Variants in CSGALNACT1 observed in about 807,000 individuals in gnomAD.
CSGALNACT1 encodes the protein beta4GalNAcT-1.
Under a neutral mutation model 51.0 loss-of-function variants are expected in CSGALNACT1, and 52 were observed. The observed-to-expected ratio is 1.02, with a 90% CI of 0.82 to 1.29. The LOEUF (loss-of-function observed/expected upper bound fraction) is 1.29, where lower values mean the gene tolerates loss of function less well. Among genes scored for constraint, CSGALNACT1 ranks in the 50% most tolerant of loss-of-function variants. The pLI, the probability that CSGALNACT1 is intolerant of heterozygous loss-of-function variation, is 0.00. For missense variants in CSGALNACT1, 935 were observed against 679.2 expected (o/e 1.38, Z -4.19); for synonymous variants, 341 against 254.4 (o/e 1.34, Z -3.24).
At chr8:19,701,392 G>C (rs2061870763) in intron 1 of CSGALNACT1, among the ~76,000 whole-genome samples, 1 of 151,920 alleles carries the variant, frequency 6.6e-6, no homozygotes, top group Non-Finnish European at 1.5e-5. Context: ...GACCTTGAGT[G>C]ATCTGCCCAC....
intron 1 of CSGALNACT1, among the ~76,000 whole-genome samples, chr8:19,676,937 T>C (rs945812487): frequency 6.6e-6 from 1 of 152,126 alleles, no homozygotes; most frequent in Non-Finnish European, 1.5e-5. Flanking sequence ...CCAATGGATT[T>C]GACAATGAAA....
At chr8:19,465,326 G>A (rs1436998309) in intron 4 of CSGALNACT1, among the ~76,000 whole-genome samples, 1 of 152,134 alleles carries the variant, frequency 6.6e-6, no homozygotes, top group Admixed American at 6.5e-5. Flanking sequence ...TAGAATAGAG[G>A]TTGCCAGGGG....
chr8:19,630,157 T>C (rs984048348), intron 1 of CSGALNACT1, among the ~76,000 whole-genome samples: 9 of 150,372 alleles, frequency 6.0e-5, no homozygotes, highest in Admixed American at 5.3e-4. Context: ...CACAGTTAGG[T>C]TGCCAGAGAA....
intron 1 of CSGALNACT1, among the ~76,000 whole-genome samples, chr8:19,670,410 A>C (rs984351358): frequency 1.3e-5 from 2 of 152,172 alleles, no homozygotes; most frequent in African/African-American, 4.8e-5. Context: ...TATATCCTGA[A>C]CATTTCACTT....
At chr8:19,663,272 T>C (rs1226534539) in intron 1 of CSGALNACT1, among the ~76,000 whole-genome samples, 1 of 152,166 alleles carries the variant, frequency 6.6e-6, no homozygotes, top group Non-Finnish European at 1.5e-5. Context: ...TTGTACTTAA[T>C]TGTACCTGAG....
chr8:19,413,815 G>C (rs2056359892), intron 8 of CSGALNACT1, among the ~76,000 whole-genome samples: 1 of 152,162 alleles, frequency 6.6e-6, no homozygotes, highest in Admixed American at 6.5e-5. Flanking sequence ...TAAGGAGGTG[G>C]CCTTGAGGAG....
chr8:19,627,564 T>G (rs990208319), intron 1 of CSGALNACT1, among the ~76,000 whole-genome samples: 1 of 152,132 alleles, frequency 6.6e-6, no homozygotes, highest in African/African-American at 2.4e-5. Context: ...GATTCACACC[T>G]GTAATCCCAG....
intron 3 of CSGALNACT1, among the ~76,000 whole-genome samples, chr8:19,528,842 G>T (rs1285332258): frequency 6.6e-6 from 1 of 152,134 alleles, no homozygotes; most frequent in Non-Finnish European, 1.5e-5. Context: ...AGAAAATAAA[G>T]ATATCAAACC....
chr8:19,752,811 C>T (rs1030050581), intron 1 of CSGALNACT1, among the ~76,000 whole-genome samples: 4 of 152,066 alleles, frequency 2.6e-5, no homozygotes, highest in African/African-American at 9.7e-5. Flanking sequence ...TTATGCATTG[C>T]CTAAAAACAG....
intron 3 of CSGALNACT1, among the ~76,000 whole-genome samples, chr8:19,514,475 C>CTA (rs33928915): frequency 0.063 from 4,935 of 78,234 alleles, 344 homozygotes; most frequent in East Asian, 0.16. Flanking sequence ...TGAACAGAGA[C>CTA]TATATATATA....
At chr8:19,484,929 A>C (rs565057654) in intron 4 of CSGALNACT1, among the ~76,000 whole-genome samples, 2 of 152,274 alleles carry the variant, frequency 1.3e-5, no homozygotes, top group African/African-American at 4.8e-5. Flanking sequence ...CACTGAGGAC[A>C]CAGTGAGAGG....
chr8:19,488,376 T>C (rs1334368148), intron 4 of CSGALNACT1, among the ~76,000 whole-genome samples: 15 of 5,850 alleles, frequency 2.6e-3, no homozygotes, highest in African/African-American at 6.5e-3. Flanking sequence ...TATACATATA[T>C]ATATATATAT....
upstream of CSGALNACT1, among the ~76,000 whole-genome samples, chr8:19,685,967 C>CA (rs2060952801): frequency 6.6e-6 from 1 of 152,204 alleles, no homozygotes; most frequent in Non-Finnish European, 1.5e-5. Context: ...TACCCATACT[C>CA]ATGTATCGAA....
At chr8:19,756,947 G>T (rs112899630) in intron 1 of CSGALNACT1, among the ~76,000 whole-genome samples, 3 of 150,642 alleles carry the variant, frequency 2.0e-5, no homozygotes, top group African/African-American at 7.3e-5. Context: ...ACCTGGAGGC[G>T]CCGCGCCCTC....
At chr8:19,518,408 G>T (rs554197182) in intron 3 of CSGALNACT1, among the ~76,000 whole-genome samples, 1 of 152,136 alleles carries the variant, frequency 6.6e-6, no homozygotes, top group East Asian at 1.9e-4. Context: ...AGACAAAATG[G>T]CACCAATCAA....
intron 3 of CSGALNACT1, among the ~76,000 whole-genome samples, chr8:19,517,105 A>G (rs529842488): frequency 1.5e-4 from 23 of 152,202 alleles, no homozygotes; most frequent in Non-Finnish European, 2.4e-4. Context: ...GCATCACGGC[A>G]AGTAGAATTT....
At chr8:19,696,963 A>T (rs987153019) in intron 1 of CSGALNACT1, among the ~76,000 whole-genome samples, 1 of 152,186 alleles carries the variant, frequency 6.6e-6, no homozygotes, top group Non-Finnish European at 1.5e-5. Flanking sequence ...GATTTGGTGT[A>T]GCTCAAAAGT....
intron 3 of CSGALNACT1, among the ~76,000 whole-genome samples, chr8:19,584,078 A>T (rs1205412301): frequency 6.6e-6 from 1 of 152,228 alleles, no homozygotes; most frequent in East Asian, 1.9e-4. Flanking sequence ...CTCCAATTAA[A>T]GGCAACACTG....
intron 1 of CSGALNACT1, among the ~76,000 whole-genome samples, chr8:19,632,487 C>CAGAAATAAGCATAGCATTT (rs1564305058): frequency 1.5e-3 from 222 of 152,382 alleles, no homozygotes; most frequent in African/African-American, 5.1e-3. Context: ...AAAAAGCATT[C>CAGAAATAAGCATAGCATTT]GTCAGAAATA....
Sources: allele counts gnomAD v4.1 joint callset (sites outside exome capture counted in the v4.1 genomes callset), GRCh38; gene constraint gnomAD v4.1.1; transcripts MANE v1.5; gene names NCBI Gene and HGNC (gene_info 2026-07-23, HGNC 2026-07-21).